Variants in XKR9 observed in about 807,000 individuals in gnomAD.
The protein encoded by XKR9 is XK related 9.
Under a neutral mutation model 32.0 loss-of-function variants are expected in XKR9, and 32 were observed. The ratio of observed to expected loss-of-function variants is 1.00; its 90% CI spans 0.76 to 1.34. XKR9 has a LOEUF of 1.34. Ranked by LOEUF, XKR9 falls within the 40% of genes most tolerant of loss-of-function variation. The probability of loss-of-function intolerance (pLI) is 0.00; values close to 1 mark genes in which losing one functional copy is unlikely to be tolerated. For missense variants in XKR9, 546 were observed against 429.7 expected (o/e 1.27, Z -2.39); for synonymous variants, 168 against 143.4 (o/e 1.17, Z -1.22).
intron 2 of XKR9, among the ~76,000 whole-genome samples, chr8:70,759,697 T>C (rs1372411868): frequency 6.6e-6 from 1 of 152,218 alleles, no homozygotes; most frequent in Non-Finnish European, 1.5e-5. Flanking sequence ...ACCGTATTGG[T>C]ATTTGCTGTG....
chr8:71,037,333 C>A, the XKR9 span, among the ~76,000 whole-genome samples: 1 of 151,998 alleles, frequency 6.6e-6, no homozygotes. Context: ...TTATCATTTT[C>A]ATTATATTCT....
At position 70,681,283 on chromosome 8, in the gene XKR9, G is replaced by C; in HGVS notation, c.225G>C (p.Gln75His). The C allele has an allele frequency of 6.2e-7, 1 of 1,613,272 alleles. No homozygotes were observed. Among genetic ancestry groups the C allele is most frequent in the East Asian group, 2.2e-5 (1 of 44,792 alleles). The change falls in exon 3 of 5, where the codon CAG becomes CAC. Residue 75 changes from glutamine (Q) to histidine (H), a missense_variant. Physicochemically the swap from Gln to His is conservative, Grantham distance 24. Transcript: ENST00000408926. ...TAAAGAAAGCAGGCCAAGAAAGTCA[G>C]CATTGTTTTCTTCTACTTCATTGCT... ...ADLKKAGQES[Q>H]HCFLLLHCLQ... is the part of the protein sequence containing the mutation.
chr8:70,928,137 G>T, the XKR9 span, among the ~76,000 whole-genome samples: 2 of 152,102 alleles, frequency 1.3e-5, no homozygotes, highest in African/African-American at 2.4e-5. Flanking sequence ...CAACCTTCTG[G>T]GCTCAAGCAA....
intron 4 of XKR9, among the ~76,000 whole-genome samples, chr8:70,724,383 G>A (rs1806388314): frequency 6.6e-6 from 1 of 151,448 alleles, no homozygotes; most frequent in Non-Finnish European, 1.5e-5. Flanking sequence ...CTTTCCAGGG[G>A]AGTGAACAGT....
intron 2 of XKR9, among the ~76,000 whole-genome samples, chr8:70,782,495 T>A (rs536426792): frequency 5.4e-4 from 82 of 152,020 alleles, no homozygotes; most frequent in Middle Eastern, 3.4e-3. Context: ...TAAAAAAAAA[T>A]TCCTTCTGAG....
chr8:70,696,050 T>C (rs1805263046), intron 3 of XKR9, among the ~76,000 whole-genome samples: 1 of 151,632 alleles, frequency 6.6e-6, no homozygotes, highest in South Asian at 2.1e-4. Context: ...TCTTGTAAAT[T>C]TGTTTGAGTT....
At chr8:70,773,441 G>A (rs144271009) in intron 2 of XKR9, among the ~76,000 whole-genome samples, 2 of 152,278 alleles carry the variant, frequency 1.3e-5, no homozygotes, top group Non-Finnish European at 2.9e-5. Flanking sequence ...CCTTCAGGCT[G>A]TCTTTTCTCT....
chr8:70,758,050 A>G (rs1469735862), intron 2 of XKR9, among the ~76,000 whole-genome samples: 2 of 152,068 alleles, frequency 1.3e-5, no homozygotes, highest in Non-Finnish European at 2.9e-5. Flanking sequence ...GTTGGTAACT[A>G]TTTTTGATAA....
At chr8:70,786,858 A>T (rs552246673) in intron 2 of XKR9, among the ~76,000 whole-genome samples, 1 of 152,140 alleles carries the variant, frequency 6.6e-6, no homozygotes, top group East Asian at 1.9e-4. Flanking sequence ...CTCCTGTCTT[A>T]CTGTCTTCCT....
chr8:70,965,351 A>G, the XKR9 span, among the ~76,000 whole-genome samples: 1 of 152,214 alleles, frequency 6.6e-6, no homozygotes, highest in African/African-American at 2.4e-5. Flanking sequence ...TCAATTTGCC[A>G]GTATTTTATT....
chr8:70,891,562 G>A, the XKR9 span, among the ~76,000 whole-genome samples: 1,687 of 151,898 alleles, frequency 0.011, 30 homozygotes, highest in African/African-American at 0.037. Flanking sequence ...GACATTCATA[G>A]CACATTGTTT....
chr8:70,913,405 C>G, the XKR9 span, among the ~76,000 whole-genome samples: 4 of 152,010 alleles, frequency 2.6e-5, no homozygotes, highest in African/African-American at 7.2e-5. Flanking sequence ...CTGAAAGGTA[C>G]CAGTGAAGCA....
intron 2 of XKR9, among the ~76,000 whole-genome samples, chr8:70,778,071 G>A (rs1327936748): frequency 6.6e-6 from 1 of 152,100 alleles, no homozygotes; most frequent in African/African-American, 2.4e-5. Flanking sequence ...TCCTTCTAAG[G>A]TTTTTATGGT....
At chr8:71,062,774 G>C in the XKR9 span, among the ~76,000 whole-genome samples, 1 of 151,872 alleles carries the variant, frequency 6.6e-6, no homozygotes, top group African/African-American at 2.4e-5. Flanking sequence ...ACCATTTCTC[G>C]GGGGCAGGAT....
chr8:70,702,014 A>G (rs1195398975), intron 3 of XKR9, among the ~76,000 whole-genome samples: 1 of 152,200 alleles, frequency 6.6e-6, no homozygotes, highest in Non-Finnish European at 1.5e-5. Flanking sequence ...TTTAAATTCT[A>G]TAAAAATGAA....
the XKR9 span, among the ~76,000 whole-genome samples, chr8:70,889,025 G>A: frequency 4.0e-5 from 6 of 151,816 alleles, no homozygotes; most frequent in African/African-American, 1.2e-4. Flanking sequence ...CATTGAAGCC[G>A]CAGATTGCTT....
At chr8:70,706,225 AT>A (rs772231267) in intron 3 of XKR9, among the ~76,000 whole-genome samples, 3 of 151,824 alleles carry the variant, frequency 2.0e-5, no homozygotes, top group Admixed American at 6.6e-5. Context: ...AAATGTTTCA[AT>A]TTTTTTTGTT....
chr8:71,031,711 T>C, the XKR9 span, among the ~76,000 whole-genome samples: 3 of 152,216 alleles, frequency 2.0e-5, no homozygotes, highest in Admixed American at 2.0e-4. Context: ...CAATTGTTTT[T>C]TCAATCTGAG....
the XKR9 span, among the ~76,000 whole-genome samples, chr8:70,912,585 A>G: frequency 1.4e-3 from 214 of 152,308 alleles, no homozygotes; most frequent in African/African-American, 5.0e-3. Flanking sequence ...AGTTTTTGAC[A>G]TATTGAATCT....
Sources: allele counts gnomAD v4.1 joint callset (sites outside exome capture counted in the v4.1 genomes callset), GRCh38; gene constraint gnomAD v4.1.1; transcripts MANE v1.5; gene names NCBI Gene and HGNC (gene_info 2026-07-23, HGNC 2026-07-21).